CFAP43: variants seen among roughly 807,000 people sequenced by gnomAD.
The protein encoded by CFAP43 is cilia and flagella associated protein 43, also known as cilia- and flagella-associated protein 43.
A neutral mutation model predicts 218.9 loss-of-function variants in CFAP43; 155 were observed. The observed-to-expected ratio is 0.71, with a 90% CI of 0.62 to 0.81. CFAP43 has a LOEUF of 0.81. CFAP43 is among the 30% of genes least tolerant of loss of function. The probability of loss-of-function intolerance (pLI) is 0.00; values close to 1 mark genes in which losing one functional copy is unlikely to be tolerated. For missense variants in CFAP43, 1,778 were observed against 1,954.3 expected, an observed-to-expected ratio of 0.91 and a Z score of 1.70; for synonymous variants, 645 against 681.3, an observed-to-expected ratio of 0.95 and a Z score of 0.83.
chr10:104,222,954 G>T (rs1274421485), intron 3 of CFAP43, among the ~76,000 whole-genome samples: 1 of 152,192 alleles, frequency 6.6e-6, no homozygotes, highest in Non-Finnish European at 1.5e-5. Context: ...TTCTATAAAG[G>T]ACCAGACAGT....
At chr10:104,138,769 G>C (rs1388677178) in intron 34 of CFAP43, among the ~76,000 whole-genome samples, 1 of 151,896 alleles carries the variant, frequency 6.6e-6, no homozygotes, top group Non-Finnish European at 1.5e-5. Flanking sequence ...TAAAAACTAA[G>C]GAAAAGTGAA....
chr10:104,158,136 C>T (rs1439747225), intron 27 of CFAP43, among the ~76,000 whole-genome samples: 1 of 152,072 alleles, frequency 6.6e-6, no homozygotes, highest in African/African-American at 2.4e-5. Context: ...AGAATACTAA[C>T]TAATAAATAT....
At position 104,225,457 on chromosome 10, in the gene CFAP43, T is replaced by G; in HGVS notation, c.416+4A>C. 1 of 1,606,834 alleles carries G rather than the reference T, an allele frequency of 6.2e-7. No homozygotes were observed. The highest frequency in any genetic ancestry group is 1.1e-5 in the South Asian group (1 of 90,276). On this transcript the variant is annotated splice_donor_region_variant and intron_variant, in intron 3 of 37. Coordinates refer to ENST00000357060, the MANE Select transcript of CFAP43 (RefSeq NM_025145.7). ...AAGGAATTCCACAGGATGCTGAAAC[T>G]TACCAAAGGGCCAGTTCAAATTCTG...
At chr10:104,137,545 C>A (rs982935229) in intron 34 of CFAP43, among the ~76,000 whole-genome samples, 1 of 152,128 alleles carries the variant, frequency 6.6e-6, no homozygotes, top group African/African-American at 2.4e-5. Context: ...GGGTGCCTCA[C>A]TCCTGTAATT....
Position 104,137,293 on chromosome 10 carries a change from G to A in CFAP43, c.4432-3509C>T, listed in dbSNP as rs2087495989. Among the ~76,000 whole-genome samples the A allele has an allele frequency of 2.0e-5, 3 of 152,170 alleles. No homozygotes were observed. The East Asian group carries it at 5.8e-4, about 29-fold the overall frequency. On this transcript the variant is annotated intron_variant, in intron 34 of 37. Coordinates refer to ENST00000357060, the MANE Select transcript of CFAP43 (RefSeq NM_025145.7). The stretch of plus-strand genomic sequence containing the variant: ...TATGATTTGGTCACAAAAGAAGAAT[G>A]AAGACTGATACATGCTACAACATGG...
intron 22 of CFAP43, 28 bp downstream of exon 22, chr10:104,167,589 TTATA>T: frequency 6.6e-7 from 1 of 1,520,956 alleles, no homozygotes; most frequent in Non-Finnish European, 8.9e-7. Context: ...AGCACATCAC[TTATA>T]TAAACACATG....
At chr10:104,207,618 C>A (rs1310139244) in intron 6 of CFAP43, 47 bp downstream of exon 6, 2 of 1,542,906 alleles carry the variant, frequency 1.3e-6, no homozygotes, top group East Asian at 2.3e-5. Context: ...ACCAAAAAAA[C>A]CAACACCCAT....
At chr10:104,134,879 T>G (rs892486117) in intron 34 of CFAP43, among the ~76,000 whole-genome samples, 14 of 152,174 alleles carry the variant, frequency 9.2e-5, no homozygotes, top group Admixed American at 3.9e-4. Context: ...ATATATTATA[T>G]GAGGCCAGCA....
rs1564727992 is a variant in CFAP43 at position 104,152,684 on chromosome 10, C to G, written c.3583G>C (p.Glu1195Gln). The G allele has an allele frequency of 1.2e-6, 2 of 1,613,376 alleles. No individual in the cohort carries two copies. Among genetic ancestry groups the G allele is most frequent in the East Asian group, 4.5e-5 (2 of 44,874 alleles). The change falls in exon 28 of 38, where the codon GAA becomes CAA. Residue 1195 changes from glutamate to glutamine, a missense_variant. Around this residue, in one of 3 missense-constraint regions of CFAP43, gnomAD observed 1,553 missense variants for 1,685.2 expected, o/e 0.92. Coordinates refer to ENST00000357060, the MANE Select transcript of CFAP43 (RefSeq NM_025145.7). Reference protein sequence around the residue: ...ELKKLQNSIQESTQAFDEHLK... With the variant: ...ELKKLQNSIQQSTQAFDEHLK... ...TGTTCATCAAAGGCCTGTGTGCTTT[C>G]TTGAATAGAGTTTTGAAGTTTCTTC...
intron 33 of CFAP43, among the ~76,000 whole-genome samples, chr10:104,141,958 G>T (rs1334581717): frequency 6.6e-6 from 1 of 152,128 alleles, no homozygotes; most frequent in Non-Finnish European, 1.5e-5. Context: ...TTTCCACATG[G>T]TTAGCTTATA....
At chr10:104,136,440 G>C (rs987601106) in intron 34 of CFAP43, among the ~76,000 whole-genome samples, 3 of 151,332 alleles carry the variant, frequency 2.0e-5, no homozygotes, top group Admixed American at 1.3e-4. Context: ...GCGCCATCTC[G>C]CCTCACTGCA....
chr10:104,152,769 A>T, intron 27 of CFAP43, 43 bp from the exon 28 acceptor site: 1 of 1,581,564 alleles, frequency 6.3e-7, no homozygotes, highest in Non-Finnish European at 8.5e-7. Context: ...AAGAGTATTA[A>T]AGGCTCCTAG....
chr10:104,170,208 A>C (rs1343846278), intron 20 of CFAP43, among the ~76,000 whole-genome samples: 1 of 151,818 alleles, frequency 6.6e-6, no homozygotes, highest in Non-Finnish European at 1.5e-5. Flanking sequence ...AGAAAAAAAA[A>C]TAAACAATAT....
rs762242133 is a variant in CFAP43, at chr10:104,186,094, T to C, written c.1890A>G (p.Pro630=). The change falls in exon 15 of 38, where the codon CCA becomes CCG. Residue 630 remains proline, a synonymous_variant. Coordinates refer to ENST00000357060, the MANE Select transcript of CFAP43 (RefSeq NM_025145.7). ...EEHTGIYILK[P]YKKVQSRQYG... ...ACTGTCTGCTTTGTACTTTTTTGTATGGTTTAAGAATGTAGATACCGGTAT... is the reference window on the plus strand; with the variant it reads ...ACTGTCTGCTTTGTACTTTTTTGTACGGTTTAAGAATGTAGATACCGGTAT... 6 of 1,565,670 alleles carry C rather than the reference T, an allele frequency of 3.8e-6. No homozygotes were observed. The highest frequency in any genetic ancestry group is 3.6e-5 in the South Asian group (3 of 82,502).
chr10:104,161,799 C>A (rs898896339), intron 26 of CFAP43, among the ~76,000 whole-genome samples, 162 bp downstream of exon 26: 1 of 152,118 alleles, frequency 6.6e-6, no homozygotes, highest in Non-Finnish European at 1.5e-5. Flanking sequence ...AGCCACCACG[C>A]CAGGCCCTAA....
At chr10:104,188,091 C>T (rs1410896689) in intron 13 of CFAP43, among the ~76,000 whole-genome samples, 179 bp downstream of exon 13, 1 of 152,080 alleles carries the variant, frequency 6.6e-6, no homozygotes, top group East Asian at 1.9e-4. Flanking sequence ...GTCAGGAAGC[C>T]CAGAGGAAAA....
At chr10:104,183,591 T>G (rs960342626) in intron 16 of CFAP43, among the ~76,000 whole-genome samples, 5 of 151,918 alleles carry the variant, frequency 3.3e-5, no homozygotes, top group Admixed American at 1.3e-4. Flanking sequence ...GGGTTTCACC[T>G]TGTTAGCCAG....
chr10:104,232,227 C>G lies in CFAP43; in HGVS notation c.20G>C (p.Arg7Pro), dbSNP rs1374853943. The G allele has an allele frequency of 6.2e-7, 1 of 1,608,188 alleles. No individual in the cohort carries two copies. The highest frequency in any genetic ancestry group is 8.5e-7 in the Non-Finnish European group (1 of 1,178,236). The change falls in exon 1 of 38, where the codon CGC (arginine) becomes CCC (proline). Residue 7 changes from arginine (R) to proline (P), a missense_variant. By Grantham distance (103) the Arg-to-Pro change is moderately radical (BLOSUM62 -2). Coordinates refer to ENST00000357060, the MANE Select transcript of CFAP43 (RefSeq NM_025145.7). MAQGRERDEGPHSAGGA... is the reference protein window; with the variant it reads MAQGREPDEGPHSAGGA... ...GCCGGCGGAGTGGGGGCCTTCGTCG[C>G]GCTCCCGGCCTTGCGCCATGGGCAG...
At chr10:104,140,617 G>A (rs146125070) in intron 34 of CFAP43, among the ~76,000 whole-genome samples, 76 of 152,264 alleles carry the variant, frequency 5.0e-4, no homozygotes, top group African/African-American at 1.8e-3. Flanking sequence ...AACAGCCTGG[G>A]CAACATATTA....
Sources: allele counts gnomAD v4.1 joint callset (sites outside exome capture counted in the v4.1 genomes callset), GRCh38; gene constraint gnomAD v4.1.1; regional missense constraint gnomAD v4.1.1; transcripts MANE v1.5; gene names NCBI Gene and HGNC (gene_info 2026-07-23, HGNC 2026-07-21).